The following STK38L variants were observed in gnomAD, a reference collection of about 807,000 sequenced individuals.
STK38L encodes serine/threonine-protein kinase 38-like.
In STK38L, 28 loss-of-function variants were observed where a neutral mutation model predicts 59.7. The ratio of observed to expected loss-of-function variants is 0.47; its 90% CI spans 0.35 to 0.64. STK38L has a LOEUF of 0.64. STK38L is among the 30% of genes least tolerant of loss of function. The pLI is 0.01. For synonymous variants in STK38L, 162 were observed against 176.8 expected, an observed-to-expected ratio of 0.92 and a Z score of 0.66; for missense variants, 314 against 555.8, an observed-to-expected ratio of 0.56 and a Z score of 4.37.
intron 1 of STK38L, among the ~76,000 whole-genome samples, chr12:27,292,278 GTTT>G (rs1224119015): frequency 6.6e-6 from 1 of 152,180 alleles, no homozygotes; most frequent in African/African-American, 2.4e-5. Context: ...TCACTTCTTA[GTTT>G]TGTATAATTT....
intron 1 of STK38L, among the ~76,000 whole-genome samples, chr12:27,273,404 G>A (rs1356996713): frequency 1.3e-5 from 2 of 151,906 alleles, no homozygotes; most frequent in African/African-American, 4.8e-5. Flanking sequence ...TGACAGGCTT[G>A]TTTTGGTTTT....
chr12:27,318,727 C>T (rs1944648476), intron 11 of STK38L, among the ~76,000 whole-genome samples: 1 of 152,148 alleles, frequency 6.6e-6, no homozygotes, highest in Non-Finnish European at 1.5e-5. Context: ...CACAGCAGCT[C>T]ATGCCTGGAA....
intron 1 of STK38L, among the ~76,000 whole-genome samples, chr12:27,245,310 A>C (rs1481469379): frequency 6.6e-6 from 1 of 152,202 alleles, no homozygotes; most frequent in African/African-American, 2.4e-5. Context: ...GAAGCCACTT[A>C]ATCGGAAATG....
At chr12:27,293,128 C>T (rs752963569) in intron 1 of STK38L, among the ~76,000 whole-genome samples, 13 of 152,146 alleles carry the variant, frequency 8.5e-5, no homozygotes, top group East Asian at 3.9e-4. Context: ...TATTTTTATA[C>T]GGTTAATGCA....
At chr12:27,293,380 C>T (rs941872166) in intron 1 of STK38L, among the ~76,000 whole-genome samples, 7 of 152,190 alleles carry the variant, frequency 4.6e-5, no homozygotes, top group African/African-American at 1.7e-4. Flanking sequence ...TAGATTCCAC[C>T]TTATCCCAAT....
Position 27,322,680 on chromosome 12 carries a change from A to T in STK38L, c.*225A>T. 2.4e-6 allele frequency: 1 copy of T among 410,336 alleles called. No individual in the cohort carries two copies. Among genetic ancestry groups the T allele is most frequent in the South Asian group, 5.2e-5 (1 of 19,226 alleles). 25.4% of individuals were successfully genotyped at this position (410,336 alleles called of 1,614,324 possible). On this transcript the variant is annotated 3_prime_UTR_variant, in exon 14 of 14. Coordinates refer to ENST00000389032, the MANE Select transcript of STK38L (RefSeq NM_015000.4). ...TTTTATTATTTTTGTTAACTTTATT[A>T]TATGAAGGTACTGGAATAAAAGGAA... is the stretch of plus-strand genomic sequence containing the variant.
chr12:27,315,021 G>C lies in STK38L; in HGVS notation c.679G>C (p.Val227Leu). Reference sequence around the variant, plus strand: ...TTACTGGATTTTTTTTTAGGGTCATGTAAAATTATCTGATTTTGGTTTATG... The same window carrying C: ...TTACTGGATTTTTTTTTAGGGTCATCTAAAATTATCTGATTTTGGTTTATG... ...DNLLLDAKGH[V>L]KLSDFGLCTG... is the part of the protein sequence containing the mutation. The change falls in exon 8 of 14, where the codon GTA becomes CTA. Residue 227 changes from valine (V) to leucine (L), a missense_variant. This residue lies in a region of STK38L where 192 missense variants were observed against 316.9 expected (regional missense o/e 0.61). Transcript: ENST00000389032. The C allele has an allele frequency of 6.2e-7, 1 of 1,603,484 alleles. No individual in the cohort carries two copies.
At chr12:27,281,979 T>C (rs1383652593) in intron 1 of STK38L, among the ~76,000 whole-genome samples, 1 of 152,142 alleles carries the variant, frequency 6.6e-6, no homozygotes, top group Non-Finnish European at 1.5e-5. Context: ...GAGGCTGCAG[T>C]GAGCCAAGAT....
At chr12:27,246,188 G>A (rs1274465014) in intron 1 of STK38L, among the ~76,000 whole-genome samples, 1 of 152,182 alleles carries the variant, frequency 6.6e-6, no homozygotes, top group Non-Finnish European at 1.5e-5. Flanking sequence ...TGATAACAAA[G>A]CAATGGACTC....
At chr12:27,250,738 C>G (rs1565520542) in intron 1 of STK38L, among the ~76,000 whole-genome samples, 1 of 151,926 alleles carries the variant, frequency 6.6e-6, no homozygotes, top group Non-Finnish European at 1.5e-5. Flanking sequence ...CGGTGACTCA[C>G]GCCTGTAATC....
chr12:27,291,987 C>T (rs1277780740), intron 1 of STK38L, among the ~76,000 whole-genome samples: 4 of 152,082 alleles, frequency 2.6e-5, no homozygotes, highest in African/African-American at 9.7e-5. Flanking sequence ...ATCTCCTTTC[C>T]CCAGGCTTGA....
At chr12:27,246,499 G>A (rs1284494153) in intron 1 of STK38L, among the ~76,000 whole-genome samples, 6 of 152,188 alleles carry the variant, frequency 3.9e-5, no homozygotes, top group African/African-American at 1.2e-4. Flanking sequence ...AAAATCAGCA[G>A]ATTGGCAAGT....
intron 1 of STK38L, among the ~76,000 whole-genome samples, chr12:27,245,336 T>C (rs1005221842): frequency 2.6e-5 from 4 of 152,240 alleles, no homozygotes; most frequent in Non-Finnish European, 5.9e-5. Flanking sequence ...TTAGCTTATT[T>C]TACTGCTCAA....
At chr12:27,285,844 G>C (rs1320225162) in intron 1 of STK38L, among the ~76,000 whole-genome samples, 1 of 152,174 alleles carries the variant, frequency 6.6e-6, no homozygotes, top group East Asian at 1.9e-4. Context: ...TTTTGAAGGA[G>C]TATTTCCTTT....
intron 1 of STK38L, among the ~76,000 whole-genome samples, chr12:27,258,650 A>G (rs1419936659): frequency 6.6e-6 from 1 of 152,188 alleles, no homozygotes; most frequent in East Asian, 1.9e-4. Context: ...TTATGTATAC[A>G]ACAGTTTTCA....
chr12:27,297,605 T>C, intron 1 of STK38L, 105 bp from the exon 2 acceptor site: 1 of 1,206,460 alleles, frequency 8.3e-7, no homozygotes, highest in Non-Finnish European at 1.1e-6. Context: ...TGTTAACTGT[T>C]AGGGTCGAAT....
At chr12:27,289,834 G>A (rs1356244316) in intron 1 of STK38L, among the ~76,000 whole-genome samples, 1 of 152,148 alleles carries the variant, frequency 6.6e-6, no homozygotes, top group African/African-American at 2.4e-5. Flanking sequence ...CTTCTAGTAA[G>A]GCTTCTACCA....
intron 5 of STK38L, among the ~76,000 whole-genome samples, chr12:27,311,542 A>C (rs1245639588): frequency 2.0e-5 from 3 of 150,086 alleles, no homozygotes; most frequent in African/African-American, 4.8e-5. Context: ...ATGCAAAAGC[A>C]TCTGCAAACT....
At chr12:27,312,521 TA>T (rs772634226) in intron 5 of STK38L, 27 bp from the exon 6 acceptor site, 19 of 1,609,624 alleles carry the variant, frequency 1.2e-5, no homozygotes, top group Admixed American at 3.4e-5. Flanking sequence ...TATTTACAAT[TA>T]TTTTTTTCAA....
Sources: gnomAD v4.1 joint callset for allele counts (sites outside exome capture counted in the v4.1 genomes callset) on GRCh38, gnomAD v4.1.1 for gene constraint, gnomAD v4.1.1 regional missense constraint, MANE v1.5 for transcripts, NCBI Gene and HGNC (gene_info 2026-07-23, HGNC 2026-07-21) for gene names.